Variants in GALNT1 observed in about 807,000 individuals in gnomAD.
The protein encoded by GALNT1 is GalNAc transferase 1.
A neutral mutation model predicts 65.7 loss-of-function variants in GALNT1; 17 were observed. The ratio of observed to expected loss-of-function variants is 0.26; its 90% confidence interval spans 0.18 to 0.39. The LOEUF is 0.39. GALNT1 is among the 10% of genes least tolerant of loss of function. The pLI, the probability that GALNT1 is intolerant of heterozygous loss-of-function variation, is 1.00. For missense variants in GALNT1, 460 were observed against 672.8 expected (o/e 0.68, Z 3.50); for synonymous variants, 210 against 219.7 (o/e 0.96, Z 0.39).
chr18:35,650,780 C>G (rs915021858), intron 1 of GALNT1, among the ~76,000 whole-genome samples: 4 of 152,160 alleles, frequency 2.6e-5, no homozygotes, highest in Admixed American at 6.6e-5. Flanking sequence ...CACTGTTACT[C>G]TGTTCTTTTT....
chr18:35,664,665 T>G (rs939577458), intron 3 of GALNT1: 2 of 152,240 alleles, frequency 1.3e-5, no homozygotes, highest in African/African-American at 4.8e-5. Flanking sequence ...ATCAGCAATA[T>G]ATTAGTTAGA....
intron 2 of GALNT1, among the ~76,000 whole-genome samples, chr18:35,658,733 A>G (rs1239168185): frequency 1.3e-5 from 2 of 149,918 alleles, no homozygotes; most frequent in African/African-American, 4.9e-5. Flanking sequence ...TTTTAAAGAC[A>G]GAGTCTTACT....
rs377592860 is a variant in GALNT1 at position 35,705,757 on chromosome 18, A to T, written c.1533+2114A>T. Among the ~76,000 whole-genome samples the T allele has an allele frequency of 3.3e-5, 5 of 152,234 alleles. No homozygotes were observed. The East Asian group carries it at 7.7e-4, about 23-fold the overall frequency. On this transcript the variant is annotated intron_variant, in intron 11 of 11. Transcript: ENST00000269195. Reference sequence around the variant, plus strand: ...AACCTATTTATTATAGCTAAAACAAATAGGGATTTATTTTTCTTACATAAG... The same window carrying T: ...AACCTATTTATTATAGCTAAAACAATTAGGGATTTATTTTTCTTACATAAG...
intron 2 of GALNT1, among the ~76,000 whole-genome samples, chr18:35,658,754 G>C (rs1006057566): frequency 1.3e-5 from 2 of 150,962 alleles, no homozygotes; most frequent in African/African-American, 4.9e-5. Flanking sequence ...CTGTCACCCA[G>C]GCTGGAGTGC....
intron 1 of GALNT1, among the ~76,000 whole-genome samples, chr18:35,631,994 G>A (rs1180186782): frequency 6.6e-6 from 1 of 152,172 alleles, no homozygotes; most frequent in Non-Finnish European, 1.5e-5. Flanking sequence ...ACTTACAAGG[G>A]ATGTGAAGGA....
chr18:35,672,990 C>G (rs1598801964), intron 3 of GALNT1, among the ~76,000 whole-genome samples: 1 of 152,142 alleles, frequency 6.6e-6, no homozygotes, highest in Middle Eastern at 3.4e-3. Context: ...AAATTTGAAC[C>G]TAGGTCTCAG....
chr18:35,632,019 A>C (rs1166959780), intron 1 of GALNT1, among the ~76,000 whole-genome samples: 1 of 152,226 alleles, frequency 6.6e-6, no homozygotes, highest in Non-Finnish European at 1.5e-5. Flanking sequence ...TTCAAGGAGA[A>C]CTACAAACCA....
intron 1 of GALNT1, among the ~76,000 whole-genome samples, chr18:35,583,606 A>G (rs1300627987): frequency 6.6e-6 from 1 of 152,178 alleles, no homozygotes; most frequent in African/African-American, 2.4e-5. Context: ...TGAGTGTGCT[A>G]GGATACTTAA....
Position 35,697,204 on chromosome 18 carries a change from T to C in GALNT1, c.1299+4884T>C, listed in dbSNP as rs887677381. Among the ~76,000 whole-genome samples the C allele has an allele frequency of 4.6e-5, 7 of 152,286 alleles. No individual in the cohort carries two copies. In the South Asian group the frequency reaches 1.0e-3, roughly 23 times the overall value. ...CCTGCTAGAGCCTCTGTATGTATTA[T>C]CTCATTTAGAGCACTTAACAAACCT... is the stretch of plus-strand genomic sequence containing the variant. On this transcript the variant is annotated intron_variant, in intron 9 of 11. Coordinates refer to ENST00000269195, the MANE Select transcript of GALNT1 (RefSeq NM_020474.4).
At chr18:35,615,345 G>A (rs2144069409) in intron 1 of GALNT1, among the ~76,000 whole-genome samples, 1 of 152,196 alleles carries the variant, frequency 6.6e-6, no homozygotes, top group Admixed American at 6.5e-5. Flanking sequence ...CAAGGAAATG[G>A]AATACGTTTT....
intron 1 of GALNT1, among the ~76,000 whole-genome samples, chr18:35,651,364 A>G (rs1433177296): frequency 6.6e-6 from 1 of 152,174 alleles, no homozygotes; most frequent in Non-Finnish European, 1.5e-5. Context: ...TACCTTGAGG[A>G]AAAAAACTTC....
chr18:35,657,744 G>A (rs2047413339), intron 2 of GALNT1, among the ~76,000 whole-genome samples: 1 of 152,190 alleles, frequency 6.6e-6, no homozygotes, highest in African/African-American at 2.4e-5. Flanking sequence ...TCAGGGAATG[G>A]TAACTGTGGA....
intron 2 of GALNT1, among the ~76,000 whole-genome samples, chr18:35,661,357 G>T (rs902817962): frequency 6.6e-6 from 1 of 152,098 alleles, no homozygotes. Flanking sequence ...AAATTAGCCA[G>T]ATATGGTGGC....
chr18:35,690,873 A>G, intron 7 of GALNT1, 139 bp from the exon 8 acceptor site: 1 of 650,922 alleles, frequency 1.5e-6, no homozygotes, highest in East Asian at 2.8e-5. Context: ...TTTTACCAGT[A>G]ACTACAATAT....
At chr18:35,635,092 C>T (rs930988538) in intron 1 of GALNT1, among the ~76,000 whole-genome samples, 1 of 152,142 alleles carries the variant, frequency 6.6e-6, no homozygotes, top group Non-Finnish European at 1.5e-5. Context: ...AAGCTGTACT[C>T]ATGGCTCAAG....
At chr18:35,607,901 G>GT (rs1264308935) in intron 1 of GALNT1, among the ~76,000 whole-genome samples, 1 of 152,068 alleles carries the variant, frequency 6.6e-6, no homozygotes, top group African/African-American at 2.4e-5. Flanking sequence ...AAAATTGGGG[G>GT]TTCTGTAACT....
At chr18:35,631,399 A>G (rs913079652) in intron 1 of GALNT1, among the ~76,000 whole-genome samples, 7 of 152,364 alleles carry the variant, frequency 4.6e-5, no homozygotes, top group Non-Finnish European at 7.3e-5. Context: ...AGGCTGGTTC[A>G]ACATACGCAA....
At chr18:35,695,395 C>T (rs959614709) in intron 9 of GALNT1, among the ~76,000 whole-genome samples, 3 of 151,916 alleles carry the variant, frequency 2.0e-5, no homozygotes, top group African/African-American at 4.8e-5. Flanking sequence ...AGTGTGAGGA[C>T]CTTCTCTTCT....
At chr18:35,686,902 C>A (rs1266645171) in intron 5 of GALNT1, 114 bp from the exon 6 acceptor site, 3 of 1,017,032 alleles carry the variant, frequency 2.9e-6, no homozygotes, top group South Asian at 3.6e-5. Flanking sequence ...AGTAGTGATA[C>A]CCTGTTTCAA....
Sources: allele counts gnomAD v4.1 joint callset (sites outside exome capture counted in the v4.1 genomes callset), GRCh38; gene constraint gnomAD v4.1.1; transcripts MANE v1.5; gene names NCBI Gene and HGNC (gene_info 2026-07-23, HGNC 2026-07-21).